Variants in DFFA observed in about 807,000 individuals in gnomAD.
DFFA encodes DFF45.
In DFFA, 14 loss-of-function variants were observed where a neutral mutation model predicts 28.0. The ratio of observed to expected loss-of-function variants is 0.50; its 90% CI spans 0.33 to 0.78. The LOEUF is 0.78. Among genes scored for constraint, DFFA ranks in the 30% least tolerant of loss-of-function variants. The pLI is 0.02. For missense variants in DFFA, 395 were observed against 407.1 expected (o/e 0.97, Z 0.26); for synonymous variants, 158 against 170.3 (o/e 0.93, Z 0.56).
At position 10,457,568 on chromosome 1, in the gene DFFA, C is replaced by A. The variant is rs1400826437; in HGVS notation, c.*3922G>T. ...TGGCGGGCACCTGTAATCCCAGCTA[C>A]TCTGGAGGCTGAGGCAAGAGAATCG... is the stretch of plus-strand genomic sequence containing the variant. On this transcript the variant is annotated 3_prime_UTR_variant, in exon 6 of 6. Transcript: ENST00000377038. The A allele has an allele frequency of 6.6e-6, 1 of 152,108 alleles. No individual in the cohort carries two copies. The highest frequency in any genetic ancestry group is 1.5e-5 in the Non-Finnish European group (1 of 68,068). The allele number at this position is 152,108 out of a possible 1,614,324, so 9.4% of individuals were successfully genotyped here. A position where few individuals can be genotyped will look rare whatever the true frequency, so the allele number is the denominator to read the frequency against.
At chr1:10,463,341 G>T in intron 4 of DFFA, 90 bp downstream of exon 4, 1 of 1,545,874 alleles carries the variant, frequency 6.5e-7, no homozygotes. Context: ...GGCTTCAGTG[G>T]CCCTGGCTAC....
At chr1:10,462,338 G>A (rs1222263518) in intron 5 of DFFA, 4 of 689,336 alleles carry the variant, frequency 5.8e-6, no homozygotes, top group Non-Finnish European at 5.4e-6. Context: ...CGCCATGTTG[G>A]TCAGGCTGGT....
rs1157160467 is a variant in DFFA, at chr1:10,459,760, T to G, written c.*1730A>C. The stretch of plus-strand genomic sequence containing the variant: ...AAAAAAAAAAAAAGTAGGGTCTTAC[T>G]CTATCATCCAGGCTGGAGTATGGTG... On this transcript the variant is annotated 3_prime_UTR_variant, in exon 6 of 6. Coordinates refer to ENST00000377038, the MANE Select transcript of DFFA (RefSeq NM_004401.3). The G allele has an allele frequency of 2.6e-5, 4 of 151,092 alleles. No individual in the cohort carries two copies. The highest frequency in any genetic ancestry group is 7.3e-5 in the African/African-American group (3 of 41,068). 9.4% of individuals were successfully genotyped at this position (151,092 alleles called of 1,614,324 possible).
Position 10,457,967 on chromosome 1 carries a change from G to A in DFFA, c.*3523C>T, listed in dbSNP as rs1640882794. On this transcript the variant is annotated 3_prime_UTR_variant, in exon 6 of 6. Coordinates refer to ENST00000377038, the MANE Select transcript of DFFA (RefSeq NM_004401.3). ...AATCCCAAAATTCTGGGAAGCTGAT[G>A]TGGGAGGATTGCTTGAGGCCTGGAG... 6.6e-6 allele frequency: 1 copy of A among 152,272 alleles called. No individual in the cohort carries two copies. The highest frequency in any genetic ancestry group is 1.5e-5 in the Non-Finnish European group (1 of 68,078). The allele number at this position is 152,272 out of a possible 1,614,324, so 9.4% of individuals were successfully genotyped here. A position where few individuals can be genotyped will look rare whatever the true frequency, so the allele number is the denominator to read the frequency against.
In DFFA at chr1:10,470,686, A is replaced by G. The variant is rs1415446197; in HGVS notation, c.137-1348T>C. Among the ~76,000 whole-genome samples the G allele has an allele frequency of 4.7e-5, 7 of 149,262 alleles. No individual in the cohort carries two copies. The East Asian group carries it at 1.2e-3, about 26-fold the overall frequency. On this transcript the variant is annotated intron_variant, in intron 1 of 5. Coordinates refer to ENST00000377038, the MANE Select transcript of DFFA (RefSeq NM_004401.3). ...GTGATCCGCCCACCTCGGCCTCCCAAAGTGCTGGGATTACAGGTGTGAGCC... is the reference window on the plus strand; with the variant it reads ...GTGATCCGCCCACCTCGGCCTCCCAGAGTGCTGGGATTACAGGTGTGAGCC...
rs1303857665 is a variant in DFFA at position 10,461,623 on chromosome 1, G to A, written c.863C>T (p.Ala288Val). The A allele has an allele frequency of 1.9e-6, 3 of 1,614,120 alleles. No homozygotes were observed. Among genetic ancestry groups the A allele is most frequent in the Non-Finnish European group, 2.5e-6 (3 of 1,180,044 alleles). Residue 288 changes from alanine (A) to valine (V), a missense_variant, in exon 6 of 6, where the codon GCC becomes GTC. By Grantham distance (64) the Ala-to-Val change is moderately conservative (BLOSUM62 0). Coordinates refer to ENST00000377038, the MANE Select transcript of DFFA (RefSeq NM_004401.3). ...DIKKTETVQE[A>V]CERELALRLQ... ...GCGCAGGGCGAGCTCCCGCTCACAGGCCTCCTGAACAGTCTCCGTCTTCTT... is the reference window on the plus strand; with the variant it reads ...GCGCAGGGCGAGCTCCCGCTCACAGACCTCCTGAACAGTCTCCGTCTTCTT...
At chr1:10,463,994 C>T (rs1186684333) in intron 3 of DFFA, among the ~76,000 whole-genome samples, 1 of 151,652 alleles carries the variant, frequency 6.6e-6, no homozygotes, top group Non-Finnish European at 1.5e-5. Context: ...CGGTGTTCTA[C>T]CTCTCAAATA....
Position 10,466,009 on chromosome 1 carries a change from G to A in DFFA, c.441+1181C>T, listed in dbSNP as rs557597043. Reference sequence around the variant, plus strand: ...AAAAAAAAAGAAAAAATAGCGCAGTGTGGTGGTGCAAGCCTACAGTCTCAG... The same window carrying A: ...AAAAAAAAAGAAAAAATAGCGCAGTATGGTGGTGCAAGCCTACAGTCTCAG... On this transcript the variant is annotated intron_variant, in intron 3 of 5. Transcript: ENST00000377038. Among the ~76,000 whole-genome samples the A allele has an allele frequency of 9.8e-4, 149 of 151,456 alleles. 1 individual carries two copies. The highest frequency in any genetic ancestry group is 3.5e-3 in the African/African-American group (143 of 41,296).
At chr1:10,466,409 T>C (rs1465190990) in intron 3 of DFFA, among the ~76,000 whole-genome samples, 1 of 151,666 alleles carries the variant, frequency 6.6e-6, no homozygotes, top group Non-Finnish European at 1.5e-5. Context: ...CAGGATGGTC[T>C]CGATCTCCTG....
rs1473304107 is a variant in DFFA, at chr1:10,472,323, C to G, written c.136G>C (p.Ala46Pro). Reference sequence around the variant, plus strand: ...CCCTCGCCCGGGGTCCCGAGCCAACCCTTGCTCCTCAGGTCTTCGAGGCAG... The same window carrying G: ...CCCTCGCCCGGGGTCCCGAGCCAACGCTTGCTCCTCAGGTCTTCGAGGCAG... The part of the protein sequence containing the change: ...ASCLEDLRSK[A>P]CDILAIDKSL... Residue 46 changes from alanine (A) to proline (P), a missense_variant and splice_region_variant, in exon 1 of 6, where the codon GCC becomes CCC. Coordinates refer to ENST00000377038, the MANE Select transcript of DFFA (RefSeq NM_004401.3). This position sits in a 1 kb window ranked among gnomAD's most constrained non-coding sequence, Gnocchi z 5.0. The G allele has an allele frequency of 1.9e-6, 3 of 1,595,890 alleles. No homozygotes were observed. Among genetic ancestry groups the G allele is most frequent in the Non-Finnish European group, 2.6e-6 (3 of 1,169,030 alleles).
rs1256639949 is a variant in DFFA at position 10,457,396 on chromosome 1, G to A, written c.*4094C>T. 6.6e-6 allele frequency: 1 copy of A among 152,198 alleles called. No individual in the cohort carries two copies. Among genetic ancestry groups the A allele is most frequent in the Non-Finnish European group, 1.5e-5 (1 of 68,094 alleles). 9.4% of individuals were successfully genotyped at this position (152,198 alleles called of 1,614,324 possible). On this transcript the variant is annotated 3_prime_UTR_variant, in exon 6 of 6. Transcript: ENST00000377038. The stretch of plus-strand genomic sequence containing the variant: ...TCATGTGGTACTTCATTTAGGCCAG[G>A]CGTGGTGGCTCACCACCTATACTCC...
chr1:10,461,967 G>T, intron 5 of DFFA: 1 of 602,002 alleles, frequency 1.7e-6, no homozygotes, highest in Non-Finnish European at 2.1e-6. Flanking sequence ...CCATTCTCCT[G>T]CCTCAGCCCC....
Position 10,472,247 on chromosome 1 carries a change from A to AC in DFFA, c.136+75dup. 6.8e-7 allele frequency: 1 copy of AC among 1,469,440 alleles called. No homozygotes were observed. Among genetic ancestry groups the AC allele is most frequent in the Non-Finnish European group, 9.1e-7 (1 of 1,103,452 alleles). The allele number at this position is 1,469,440 out of a possible 1,614,324, so 91.0% of individuals were successfully genotyped here. A position where few individuals can be genotyped will look rare whatever the true frequency, so the allele number is the denominator to read the frequency against. ...AAGAATCCCCAAGTCGCCTCTCCTG[A>AC]CCCCGCCTCGCCCCCGCCGGACGTC... On this transcript the variant is annotated intron_variant, in intron 1 of 5. Transcript: ENST00000377038. The surrounding 1 kb of genome is among the most constrained non-coding windows in gnomAD (Gnocchi z 5.0).
rs1487436346 is a variant in DFFA at position 10,456,728 on chromosome 1, AGCCAGTT to A, written c.*4755_*4761del. The A allele has an allele frequency of 1.3e-5, 2 of 152,214 alleles. No individual in the cohort carries two copies. Among genetic ancestry groups the A allele is most frequent in the Non-Finnish European group, 2.9e-5 (2 of 68,034 alleles). 9.4% of individuals were successfully genotyped at this position (152,214 alleles called of 1,614,324 possible). Reference sequence around the variant, plus strand: ...TGGTAATTAGCGTAGCTCCTGTCAAAGCCAGTTGCCTCATGAGGACCGACATTTGACT... The same window carrying A: ...TGGTAATTAGCGTAGCTCCTGTCAAAGCCTCATGAGGACCGACATTTGACT... On this transcript the variant is annotated 3_prime_UTR_variant, in exon 6 of 6. Transcript: ENST00000377038.
chr1:10,472,034 G>T lies in DFFA; in HGVS notation c.136+289C>A, dbSNP rs1641105587. On this transcript the variant is annotated intron_variant, in intron 1 of 5. Coordinates refer to ENST00000377038, the MANE Select transcript of DFFA (RefSeq NM_004401.3). This position sits in a 1 kb window ranked among gnomAD's most constrained non-coding sequence, Gnocchi z 5.0. ...GGCAGGAACCCAGTGGGGTCCGTTT[G>T]GTCCAACATCGAAGTGATTTCAGGC... Among the ~76,000 whole-genome samples the T allele has an allele frequency of 6.6e-6, 1 of 152,072 alleles. No individual in the cohort carries two copies. The highest frequency in any genetic ancestry group is 1.5e-5 in the Non-Finnish European group (1 of 68,008).
chr1:10,464,484 G>A (rs947189546), intron 3 of DFFA, among the ~76,000 whole-genome samples: 3 of 152,170 alleles, frequency 2.0e-5, no homozygotes, highest in African/African-American at 7.2e-5. Context: ...GGAGGCTGAG[G>A]TAGGAGGACT....
chr1:10,464,344 G>A (rs1331734637), intron 3 of DFFA, among the ~76,000 whole-genome samples: 1 of 152,012 alleles, frequency 6.6e-6, no homozygotes, highest in East Asian at 1.9e-4. Context: ...CACCCGCCTC[G>A]GCCTCCCAAA....
At position 10,463,132 on chromosome 1, in the gene DFFA, G is replaced by A; in HGVS notation, c.709C>T (p.Leu237=). 6.2e-7 allele frequency: 1 copy of A among 1,614,202 alleles called. No individual in the cohort carries two copies. Among genetic ancestry groups the A allele is most frequent in the South Asian group, 1.1e-5 (1 of 91,086 alleles). ...AGTGCAGTAAGGATGTGGCTCGCCAGCGCAACGTCCGAGGAGGTCTCTCTG... is the reference window on the plus strand; with the variant it reads ...AGTGCAGTAAGGATGTGGCTCGCCAACGCAACGTCCGAGGAGGTCTCTCTG... ...ISRETSSDVA[L]ASHILTALRE... is the part of the protein sequence containing the mutation. Residue 237 remains leucine (L), a synonymous_variant, in exon 5 of 6, where the codon CTG becomes TTG. Coordinates refer to ENST00000377038, the MANE Select transcript of DFFA (RefSeq NM_004401.3).
chr1:10,467,427 T>A, intron 2 of DFFA, 95 bp from the exon 3 acceptor site: 1 of 1,349,512 alleles, frequency 7.4e-7, no homozygotes, highest in Non-Finnish European at 1.1e-6. Flanking sequence ...GGATCTAGAT[T>A]AATTTCAATG....
Sources: gnomAD v4.1 joint callset for allele counts (sites outside exome capture counted in the v4.1 genomes callset) on GRCh38, gnomAD v4.1.1 for gene constraint, Gnocchi (gnomAD v3.1) non-coding constraint, MANE v1.5 for transcripts, NCBI Gene and HGNC (gene_info 2026-07-23, HGNC 2026-07-21) for gene names.